ABCC4: variants seen among roughly 807,000 people sequenced by gnomAD.
ABCC4 encodes ATP binding cassette subfamily C member 4 (PEL blood group).
Under a neutral mutation model 168.5 loss-of-function variants are expected in ABCC4, and 102 were observed. That is an observed-to-expected ratio of 0.61 (90% confidence interval 0.52 to 0.71). The LOEUF (loss-of-function observed/expected upper bound fraction) is 0.71. Among genes scored for constraint, ABCC4 ranks in the 30% least tolerant of loss-of-function variants. The pLI, the probability that ABCC4 is intolerant of heterozygous loss-of-function variation, is 0.00. For missense variants in ABCC4, 1,402 were observed against 1,605.8 expected (o/e 0.87, Z 2.17); for synonymous variants, 617 against 590.7 (o/e 1.04, Z -0.65).
chr13:95,219,132 T>C (rs1055536183), intron 4 of ABCC4, among the ~76,000 whole-genome samples: 1 of 152,118 alleles, frequency 6.6e-6, no homozygotes, highest in Non-Finnish European at 1.5e-5. Context: ...ATTCTACCAA[T>C]ACCCATGGAA....
chr13:95,214,773 C>T (rs1190875534), intron 4 of ABCC4, among the ~76,000 whole-genome samples: 2 of 151,724 alleles, frequency 1.3e-5, no homozygotes, highest in Admixed American at 1.3e-4. Flanking sequence ...GTAATTCCAG[C>T]CACTCCGGAG....
At chr13:95,183,849 G>A (rs2037975263) in intron 11 of ABCC4, among the ~76,000 whole-genome samples, 1 of 152,120 alleles carries the variant, frequency 6.6e-6, no homozygotes, top group South Asian at 2.1e-4. Flanking sequence ...GGGAGGCGGA[G>A]GTTGCAATGA....
chr13:95,267,860 C>T (rs1195890148), intron 1 of ABCC4, among the ~76,000 whole-genome samples: 2 of 152,172 alleles, frequency 1.3e-5, no homozygotes, highest in African/African-American at 2.4e-5. Flanking sequence ...TGCTATTGCC[C>T]AACCTCCAGG....
chr13:95,035,100 A>G (rs1242613611), intron 29 of ABCC4, among the ~76,000 whole-genome samples: 1 of 152,182 alleles, frequency 6.6e-6, no homozygotes, highest in South Asian at 2.1e-4. Context: ...ATATGATCAG[A>G]GTTGGGAAAC....
chr13:95,210,939 C>T (rs1168866989), intron 4 of ABCC4, among the ~76,000 whole-genome samples, 158 bp from the exon 5 acceptor site: 2 of 151,852 alleles, frequency 1.3e-5, no homozygotes, highest in African/African-American at 4.8e-5. Context: ...GCCCCACCAG[C>T]ACCTTTAGTG....
chr13:95,043,863 C>A (rs2032465613), intron 28 of ABCC4, 76 bp from the exon 29 acceptor site: 6 of 939,670 alleles, frequency 6.4e-6, no homozygotes, highest in Admixed American at 2.3e-5. Flanking sequence ...CTCTACTTCA[C>A]AATAGAGATT....
chr13:95,292,357 TCAAA>T (rs2041424203), intron 1 of ABCC4, among the ~76,000 whole-genome samples: 1 of 152,066 alleles, frequency 6.6e-6, no homozygotes, highest in Non-Finnish European at 1.5e-5. Flanking sequence ...ACACCCTGTC[TCAAA>T]CAAAGAAACA....
intron 30 of ABCC4, among the ~76,000 whole-genome samples, chr13:95,033,068 C>T (rs1258747032): frequency 6.8e-6 from 1 of 147,842 alleles, no homozygotes; most frequent in African/African-American, 2.5e-5. Flanking sequence ...CTCCCAGGTT[C>T]AAGTGATTTT....
chr13:95,237,918 G>A (rs1229851054), intron 3 of ABCC4, among the ~76,000 whole-genome samples: 1 of 152,164 alleles, frequency 6.6e-6, no homozygotes, highest in Non-Finnish European at 1.5e-5. Flanking sequence ...AATACAGCCA[G>A]GCGCGGTGGC....
chr13:95,268,236 A>C (rs1271076779), intron 1 of ABCC4, among the ~76,000 whole-genome samples: 2 of 152,216 alleles, frequency 1.3e-5, no homozygotes, highest in Non-Finnish European at 2.9e-5. Context: ...GCTTTGCTAA[A>C]CAAATGCTTG....
At chr13:95,237,772 T>C (rs746390986) in intron 3 of ABCC4, among the ~76,000 whole-genome samples, 15 of 152,046 alleles carry the variant, frequency 9.9e-5, no homozygotes, top group Non-Finnish European at 1.2e-4. Flanking sequence ...AACTGCACCA[T>C]ACCAGATTGC....
chr13:95,236,602 GCA>G (rs1555335144), intron 3 of ABCC4, among the ~76,000 whole-genome samples: 26,560 of 76,552 alleles, frequency 0.35, 2,517 homozygotes, highest in East Asian at 0.56. Context: ...GCGCGTGCGC[GCA>G]CACACACACA....
chr13:95,127,349 G>A (rs946895879), intron 19 of ABCC4, among the ~76,000 whole-genome samples: 1 of 152,064 alleles, frequency 6.6e-6, no homozygotes, highest in Non-Finnish European at 1.5e-5. Context: ...GCAGTAGCCC[G>A]ATCTTGGCTC....
At chr13:95,218,860 A>AAAAAG (rs1175760294) in intron 4 of ABCC4, among the ~76,000 whole-genome samples, 57 of 146,946 alleles carry the variant, frequency 3.9e-4, no homozygotes, top group African/African-American at 1.2e-3. Flanking sequence ...GAAAAGAAAA[A>AAAAAG]AAAAGAAAAG....
intron 9 of ABCC4, among the ~76,000 whole-genome samples, chr13:95,189,256 C>G (rs147077971): frequency 0.15 from 22,031 of 150,382 alleles, 2,126 homozygotes; most frequent in Non-Finnish European, 0.22. Context: ...GCCTCAGCCT[C>G]CCGAGTAGCT....
rs185002508 is a variant in ABCC4, at chr13:95,292,373, A to G, written c.74+8868T>C. On this transcript the variant is annotated intron_variant, in intron 1 of 30. Coordinates refer to ENST00000645237, the MANE Select transcript of ABCC4 (RefSeq NM_005845.5). ...CACCCTGTCTCAAACAAAGAAACAA[A>G]GATTTAATGTGGCCATGATAGCTGT... Among the ~76,000 whole-genome samples the G allele has an allele frequency of 7.2e-5, 11 of 152,170 alleles. No homozygotes were observed. In the East Asian group the frequency reaches 1.7e-3, roughly 24 times the overall value.
At chr13:95,232,006 T>C (rs1361284663) in intron 4 of ABCC4, among the ~76,000 whole-genome samples, 1 of 152,160 alleles carries the variant, frequency 6.6e-6, no homozygotes, top group Non-Finnish European at 1.5e-5. Flanking sequence ...ATTAGAAGTA[T>C]GATCTTGAAA....
intron 1 of ABCC4, among the ~76,000 whole-genome samples, chr13:95,281,498 C>G (rs959957387): frequency 1.3e-5 from 2 of 151,990 alleles, no homozygotes; most frequent in South Asian, 4.2e-4. Flanking sequence ...TTGGACCTCC[C>G]AGACTGCTTG....
At position 95,185,119 on chromosome 13, in the gene ABCC4, T is replaced by C. The variant is rs117356079; in HGVS notation, c.1545+1582A>G. The stretch of plus-strand genomic sequence containing the variant: ...TTTGAATAAAATGAAAATTTTACTT[T>C]AAAAAAGCGAGGCTAGCAATATCAG... On this transcript the variant is annotated intron_variant, in intron 11 of 30. Coordinates refer to ENST00000645237, the MANE Select transcript of ABCC4 (RefSeq NM_005845.5). Among the ~76,000 whole-genome samples the C allele has an allele frequency of 3.6e-3, 546 of 152,312 alleles. 1 individual carries two copies. The highest frequency in any genetic ancestry group is 5.8e-3 in the Non-Finnish European group (392 of 68,028).
Sources: gnomAD v4.1 joint callset for allele counts (sites outside exome capture counted in the v4.1 genomes callset) on GRCh38, gnomAD v4.1.1 for gene constraint, MANE v1.5 for transcripts, NCBI Gene and HGNC (gene_info 2026-07-23, HGNC 2026-07-21) for gene names.